Variants in ZNF385D observed in about 807,000 individuals in gnomAD.
The protein encoded by ZNF385D is zinc finger protein 385D, also known as zinc finger protein 659.
In ZNF385D, 15 loss-of-function variants were observed where a neutral mutation model predicts 35.8. That is an observed-to-expected ratio of 0.42 (90% CI 0.28 to 0.64). The LOEUF (loss-of-function observed/expected upper bound fraction) is 0.64. Among genes scored for constraint, ZNF385D ranks in the 30% least tolerant of loss-of-function variants. The pLI, the probability that ZNF385D is intolerant of heterozygous loss-of-function variation, is 0.23. For synonymous variants in ZNF385D, 212 were observed against 186.8 expected (o/e 1.13, Z -1.10); for missense variants, 474 against 494.6 (o/e 0.96, Z 0.39).
At chr3:21,820,839 C>T (rs1024872319) in intron 3 of ZNF385D, among the ~76,000 whole-genome samples, 6 of 147,990 alleles carry the variant, frequency 4.1e-5, no homozygotes, top group South Asian at 2.2e-4. Context: ...CAGAAGTCAC[C>T]GAGACAGTAA....
chr3:21,698,868 T>C (rs546674636), intron 1 of ZNF385D, among the ~76,000 whole-genome samples: 4 of 152,080 alleles, frequency 2.6e-5, no homozygotes, highest in East Asian at 3.9e-4. Context: ...TGTGGAGAAA[T>C]AGGAATGCTT....
chr3:21,492,328 T>C (rs888048373), intron 4 of ZNF385D, among the ~76,000 whole-genome samples: 1 of 151,666 alleles, frequency 6.6e-6, no homozygotes, highest in Non-Finnish European at 1.5e-5. Context: ...ATCAACTTGA[T>C]GACAAAGTGC....
chr3:22,102,672 AG>A (rs1221739395), intron 3 of ZNF385D, among the ~76,000 whole-genome samples: 1 of 152,090 alleles, frequency 6.6e-6, no homozygotes, highest in African/African-American at 2.4e-5. Context: ...ATAAAGAAAA[AG>A]AATAAAGGCC....
chr3:21,585,604 C>G (rs150104780), intron 2 of ZNF385D, among the ~76,000 whole-genome samples: 1 of 152,140 alleles, frequency 6.6e-6, no homozygotes, highest in Admixed American at 6.5e-5. Flanking sequence ...TGGCTGCCTA[C>G]GCACCTCCAG....
intron 2 of ZNF385D, among the ~76,000 whole-genome samples, chr3:22,346,714 A>T (rs985565944): frequency 3.3e-5 from 5 of 152,136 alleles, no homozygotes; most frequent in Admixed American, 6.5e-5. Context: ...TATTCTTTTT[A>T]AAAAAATTCA....
chr3:22,333,344 CATT>C (rs1422207208), intron 2 of ZNF385D, among the ~76,000 whole-genome samples: 11 of 152,114 alleles, frequency 7.2e-5, no homozygotes, highest in Non-Finnish European at 2.9e-5. Flanking sequence ...AGTTTTCCAT[CATT>C]ATTTCTTCAC....
chr3:22,131,492 G>T (rs575661349), intron 3 of ZNF385D, among the ~76,000 whole-genome samples: 14 of 152,140 alleles, frequency 9.2e-5, no homozygotes, highest in Non-Finnish European at 1.8e-4. Context: ...TAAGATAAAA[G>T]AATAGTGTAT....
chr3:22,129,598 G>A (rs192548160), intron 3 of ZNF385D, among the ~76,000 whole-genome samples: 167 of 152,148 alleles, frequency 1.1e-3, no homozygotes, highest in African/African-American at 3.9e-3. Flanking sequence ...CTCTGCCCAC[G>A]GCCATAACTG....
intron 3 of ZNF385D, among the ~76,000 whole-genome samples, chr3:22,132,130 T>C (rs1012404302): frequency 3.3e-5 from 5 of 152,174 alleles, no homozygotes; most frequent in Admixed American, 3.3e-4. Flanking sequence ...TTAGTGTCCA[T>C]GTCATATTCA....
intron 2 of ZNF385D, among the ~76,000 whole-genome samples, chr3:21,587,956 C>G (rs1012914811): frequency 6.6e-6 from 1 of 152,152 alleles, no homozygotes; most frequent in African/African-American, 2.4e-5. Context: ...AAGGTAGGTT[C>G]TATTATCTCC....
At chr3:22,134,525 C>T (rs1241085665) in intron 3 of ZNF385D, 1 of 152,230 alleles carries the variant, frequency 6.6e-6, no homozygotes, top group East Asian at 1.9e-4. Flanking sequence ...CTGACAATTA[C>T]AGAACACTCC....
intron 3 of ZNF385D, among the ~76,000 whole-genome samples, chr3:21,773,465 A>C (rs1045122610): frequency 6.6e-6 from 1 of 152,030 alleles, no homozygotes; most frequent in African/African-American, 2.4e-5. Context: ...AGGAAACTAC[A>C]TCAGAGTAAA....
chr3:21,680,762 T>C (rs188366632), intron 1 of ZNF385D, among the ~76,000 whole-genome samples: 46 of 152,332 alleles, frequency 3.0e-4, no homozygotes, highest in Non-Finnish European at 6.2e-4. Context: ...CAACTGTTTA[T>C]GGCAGTCTTG....
chr3:21,694,682 G>C (rs564801869), intron 1 of ZNF385D, among the ~76,000 whole-genome samples: 23 of 152,270 alleles, frequency 1.5e-4, no homozygotes, highest in African/African-American at 5.1e-4. Flanking sequence ...CTAGACAAAA[G>C]ATGAAATCTT....
intron 2 of ZNF385D, among the ~76,000 whole-genome samples, chr3:22,264,338 G>C (rs544320023): frequency 1.3e-5 from 2 of 151,984 alleles, no homozygotes; most frequent in Non-Finnish European, 1.5e-5. Context: ...AAGACAGATG[G>C]GTCTTAGGGC....
chr3:21,750,698 ATCCAC>A (rs2070030697), intron 1 of ZNF385D, among the ~76,000 whole-genome samples, 192 bp downstream of exon 1: 2 of 149,174 alleles, frequency 1.3e-5, no homozygotes, highest in Admixed American at 6.7e-5. Flanking sequence ...ACTTAAACTC[ATCCAC>A]GGCTAAATTA....
rs1447474714 is a variant in ZNF385D, at chr3:22,067,895, C to G, written c.325+100922G>C. The stretch of plus-strand genomic sequence containing the variant: ...AAATTAGCTGGGCTTGGTGGCACAC[C>G]TGTAGCACTTGGGAGGCTGAGGCGG... On this transcript the variant is annotated intron_variant, in intron 3 of 5. Transcript: ENST00000494108. Among the ~76,000 whole-genome samples the G allele has an allele frequency of 2.6e-5, 4 of 152,048 alleles. No homozygotes were observed. In the East Asian group the frequency reaches 5.8e-4, roughly 22 times the overall value.
At chr3:21,457,051 G>A (rs1452684067) in intron 4 of ZNF385D, among the ~76,000 whole-genome samples, 2 of 152,156 alleles carry the variant, frequency 1.3e-5, no homozygotes, top group African/African-American at 2.4e-5. Flanking sequence ...TACAAGGGCA[G>A]GGTTTTTTAG....
intron 3 of ZNF385D, among the ~76,000 whole-genome samples, chr3:21,861,482 A>G (rs1477316582): frequency 6.6e-6 from 1 of 152,120 alleles, no homozygotes; most frequent in African/African-American, 2.4e-5. Flanking sequence ...GTGCAAATTT[A>G]GATAAATACA....
Sources: allele counts gnomAD v4.1 joint callset (sites outside exome capture counted in the v4.1 genomes callset), GRCh38; gene constraint gnomAD v4.1.1; transcripts MANE v1.5; gene names NCBI Gene and HGNC (gene_info 2026-07-23, HGNC 2026-07-21).